The following FAF1 variants were observed in gnomAD, a reference collection of about 807,000 sequenced individuals.
FAF1 encodes FAS-associated factor 1.
A neutral mutation model predicts 92.5 loss-of-function variants in FAF1; 25 were observed. The ratio of observed to expected loss-of-function variants is 0.27; its 90% CI spans 0.20 to 0.38. FAF1 has a LOEUF of 0.38. FAF1 is among the 10% of genes least tolerant of loss of function. FAF1 has a pLI of 1.00. For synonymous variants in FAF1, 234 were observed against 273.2 expected (o/e 0.86, Z 1.42); for missense variants, 636 against 793.3 (o/e 0.80, Z 2.38).
Position 50,788,182 on chromosome 1 carries a change from G to A in FAF1, c.185C>T (p.Pro62Leu). 4 of 1,613,816 alleles carry A rather than the reference G, an allele frequency of 2.5e-6. No homozygotes were observed. The highest frequency in any genetic ancestry group is 3.4e-6 in the Non-Finnish European group (4 of 1,179,790). The change falls in exon 4 of 19, where the codon CCA becomes CTA. Residue 62 changes from proline to leucine, a missense_variant. By Grantham distance (98) the Pro-to-Leu change is moderately conservative. Transcript: ENST00000396153. ...LQSEYGGETI[P>L]GPAFNPASHP... The stretch of plus-strand genomic sequence containing the variant: ...ACTTGCTGGATTAAATGCAGGTCCT[G>A]GTATGGTCTCACCTCCATATTCACT...
chr1:50,706,970 G>A (rs865851264), intron 6 of FAF1, among the ~76,000 whole-genome samples: 4 of 151,968 alleles, frequency 2.6e-5, no homozygotes, highest in African/African-American at 4.8e-5. Flanking sequence ...TTGGCAGGCC[G>A]AGGCCAGTGG....
At chr1:50,646,951 T>G (rs1324746037) in intron 8 of FAF1, among the ~76,000 whole-genome samples, 1 of 152,230 alleles carries the variant, frequency 6.6e-6, no homozygotes, top group African/African-American at 2.4e-5. Context: ...GTTCAAGCAA[T>G]TCTTGTGTCT....
At chr1:50,669,788 T>A (rs180878909) in intron 7 of FAF1, among the ~76,000 whole-genome samples, 29 of 152,376 alleles carry the variant, frequency 1.9e-4, no homozygotes, top group Admixed American at 1.8e-3. Flanking sequence ...ATATGGCTAC[T>A]GAGCACTTGA....
At chr1:50,931,191 AAGTTTACTATCTTGGTTCTC>A (rs1645044387) in intron 1 of FAF1, among the ~76,000 whole-genome samples, 1 of 152,300 alleles carries the variant, frequency 6.6e-6, no homozygotes, top group Non-Finnish European at 1.5e-5. Flanking sequence ...AGTTTACTGT[AAGTTTACTATCTTGGTTCTC>A]AGTTTACTAT....
chr1:50,712,996 T>C (rs563091234), intron 6 of FAF1, among the ~76,000 whole-genome samples: 4 of 151,420 alleles, frequency 2.6e-5, no homozygotes, highest in Non-Finnish European at 4.4e-5. Context: ...ACCCAGACTC[T>C]ACAAAAAATA....
chr1:50,740,826 A>C (rs886754889), intron 5 of FAF1, among the ~76,000 whole-genome samples: 4 of 151,766 alleles, frequency 2.6e-5, no homozygotes, highest in African/African-American at 7.2e-5. Flanking sequence ...TAGAGTTAAC[A>C]TGCAAACAAC....
At chr1:50,621,230 C>A (rs895700836) in intron 8 of FAF1, among the ~76,000 whole-genome samples, 1 of 152,064 alleles carries the variant, frequency 6.6e-6, no homozygotes, top group African/African-American at 2.4e-5. Flanking sequence ...TGGGAAAATA[C>A]TCAGGTGGAA....
intron 18 of FAF1, among the ~76,000 whole-genome samples, chr1:50,456,103 G>A (rs1646349847): frequency 6.6e-6 from 1 of 151,628 alleles, no homozygotes; most frequent in African/African-American, 2.4e-5. Context: ...TTTTTTTAGA[G>A]ATGAGATTTC....
At chr1:50,828,414 G>T (rs1006526739) in intron 2 of FAF1, among the ~76,000 whole-genome samples, 1 of 151,920 alleles carries the variant, frequency 6.6e-6, no homozygotes, top group South Asian at 2.1e-4. Flanking sequence ...GACTACAGGC[G>T]CCCGCCACCA....
intron 18 of FAF1, among the ~76,000 whole-genome samples, chr1:50,456,405 T>C (rs1389554985): frequency 6.6e-6 from 1 of 152,016 alleles, no homozygotes; most frequent in Non-Finnish European, 1.5e-5. Context: ...TCCCCCAAAC[T>C]TGGGAGTGTT....
At chr1:50,798,140 G>T (rs1423366830) in intron 3 of FAF1, among the ~76,000 whole-genome samples, 1 of 151,134 alleles carries the variant, frequency 6.6e-6, no homozygotes, top group Non-Finnish European at 1.5e-5. Flanking sequence ...TTTTTAAATG[G>T]AAATTAGACA....
chr1:50,745,448 A>T (rs78113118), intron 4 of FAF1, among the ~76,000 whole-genome samples: 1 of 152,190 alleles, frequency 6.6e-6, no homozygotes, highest in Non-Finnish European at 1.5e-5. Flanking sequence ...CCCTGCTCAA[A>T]TCTCATGTCA....
chr1:50,457,873 A>G (rs1646375332), intron 18 of FAF1, among the ~76,000 whole-genome samples: 1 of 150,822 alleles, frequency 6.6e-6, no homozygotes, highest in Non-Finnish European at 1.5e-5. Flanking sequence ...TCCAAAAAAA[A>G]AAAAAAAAAA....
intron 6 of FAF1, among the ~76,000 whole-genome samples, chr1:50,722,682 T>C (rs1658465225): frequency 6.7e-6 from 1 of 149,590 alleles, no homozygotes; most frequent in African/African-American, 2.5e-5. Context: ...AAAATCTAAG[T>C]CCTGGCTCAT....
At chr1:50,604,939 A>G (rs1167785233) in intron 8 of FAF1, among the ~76,000 whole-genome samples, 1 of 152,192 alleles carries the variant, frequency 6.6e-6, no homozygotes, top group Non-Finnish European at 1.5e-5. Context: ...TAGTAATTTT[A>G]AATGCTCCTG....
intron 15 of FAF1, among the ~76,000 whole-genome samples, chr1:50,523,229 G>A (rs372977926): frequency 1.3e-5 from 2 of 152,136 alleles, no homozygotes; most frequent in East Asian, 3.9e-4. Flanking sequence ...TGAACTTTCA[G>A]GCACAAATAC....
chr1:50,845,872 C>T lies in FAF1; in HGVS notation c.114+12057G>A, dbSNP rs528704830. Among the ~76,000 whole-genome samples the T allele has an allele frequency of 2.6e-5, 4 of 152,162 alleles. No individual in the cohort carries two copies. The South Asian group carries it at 8.3e-4, about 32-fold the overall frequency. On this transcript the variant is annotated intron_variant, in intron 2 of 18. Transcript: ENST00000396153. ...GCGTGGTGGCTCATGCCTGTAATCCCTGCACTTTGGGAGGTCAAGACGGGT... is the reference window on the plus strand; with the variant it reads ...GCGTGGTGGCTCATGCCTGTAATCCTTGCACTTTGGGAGGTCAAGACGGGT...
intron 1 of FAF1, among the ~76,000 whole-genome samples, chr1:50,942,502 C>CA (rs1428755506): frequency 6.6e-6 from 1 of 151,900 alleles, no homozygotes; most frequent in Non-Finnish European, 1.5e-5. Context: ...ATTAAATGTT[C>CA]AGTAAATGTT....
chr1:50,538,162 C>T (rs1273057849), intron 14 of FAF1, among the ~76,000 whole-genome samples: 4 of 150,466 alleles, frequency 2.7e-5, no homozygotes. Context: ...GCTACATAAG[C>T]ATAGTTTGCC....
Sources: gnomAD v4.1 joint callset for allele counts (sites outside exome capture counted in the v4.1 genomes callset) on GRCh38, gnomAD v4.1.1 for gene constraint, MANE v1.5 for transcripts, NCBI Gene and HGNC (gene_info 2026-07-23, HGNC 2026-07-21) for gene names.